The following MIPOL1 variants were observed in gnomAD, a reference collection of about 807,000 sequenced individuals.
MIPOL1 encodes mirror-image polydactyly gene 1 protein.
Under a neutral mutation model 60.9 loss-of-function variants are expected in MIPOL1, and 57 were observed. The observed-to-expected ratio is 0.94, with a 90% CI of 0.76 to 1.17. The LOEUF (loss-of-function observed/expected upper bound fraction) is 1.17, where lower values mean the gene tolerates loss of function less well. Ranked by LOEUF, MIPOL1 falls within the 50% of genes most tolerant of loss-of-function variation. The probability of loss-of-function intolerance (pLI) is 0.00; values close to 1 mark genes in which losing one functional copy is unlikely to be tolerated. For missense variants in MIPOL1, 551 were observed against 511.6 expected, an observed-to-expected ratio of 1.08 and a Z score of -0.74; for synonymous variants, 179 against 168.8, an observed-to-expected ratio of 1.06 and a Z score of -0.47.
intron 9 of MIPOL1, among the ~76,000 whole-genome samples, chr14:37,363,120 C>G (rs1443153691): frequency 6.6e-6 from 1 of 152,128 alleles, no homozygotes; most frequent in Non-Finnish European, 1.5e-5. Flanking sequence ...GTCAGTTTGT[C>G]AAAGTCATTC....
chr14:37,351,538 G>A (rs1266021585), intron 9 of MIPOL1, among the ~76,000 whole-genome samples: 27 of 150,278 alleles, frequency 1.8e-4, no homozygotes, highest in South Asian at 6.4e-4. Context: ...GTGTAAAAGC[G>A]TTCCTATTTC....
At chr14:37,419,099 A>T (rs1288894168) in intron 10 of MIPOL1, among the ~76,000 whole-genome samples, 1 of 152,182 alleles carries the variant, frequency 6.6e-6, no homozygotes, top group Non-Finnish European at 1.5e-5. Context: ...AAATCAGCCA[A>T]ATGTCTAACA....
At chr14:37,373,892 T>G (rs1394774723) in intron 10 of MIPOL1, among the ~76,000 whole-genome samples, 1 of 152,216 alleles carries the variant, frequency 6.6e-6, no homozygotes. Flanking sequence ...CCTTTGGGTA[T>G]ATACCCTGTA....
chr14:37,365,588 C>T (rs1159805310), intron 9 of MIPOL1, among the ~76,000 whole-genome samples: 5 of 152,026 alleles, frequency 3.3e-5, no homozygotes, highest in South Asian at 2.1e-4. Context: ...ATCTTTTTAA[C>T]GTATTGTTGA....
At chr14:37,455,905 G>A (rs1172161128) in intron 11 of MIPOL1, among the ~76,000 whole-genome samples, 1 of 151,894 alleles carries the variant, frequency 6.6e-6, no homozygotes, top group African/African-American at 2.4e-5. Context: ...CTCCTTAATA[G>A]CTCAGATTTA....
chr14:37,339,880 A>C (rs1482851595), intron 9 of MIPOL1, among the ~76,000 whole-genome samples: 1 of 152,204 alleles, frequency 6.6e-6, no homozygotes, highest in African/African-American at 2.4e-5. Flanking sequence ...TTTCTGGTAG[A>C]AATAGTCTAC....
At chr14:37,370,522 T>TA (rs2092610675) in intron 10 of MIPOL1, among the ~76,000 whole-genome samples, 1 of 152,188 alleles carries the variant, frequency 6.6e-6, no homozygotes, top group Non-Finnish European at 1.5e-5. Flanking sequence ...TACAGAGCAA[T>TA]ATCATGGCAT....
intron 11 of MIPOL1, among the ~76,000 whole-genome samples, chr14:37,487,437 G>A (rs1287794007): frequency 6.6e-6 from 1 of 152,076 alleles, no homozygotes; most frequent in Non-Finnish European, 1.5e-5. Flanking sequence ...TGTACCTCTG[G>A]GAGAATTTGG....
At chr14:37,216,648 A>G (rs1967767764) in intron 1 of MIPOL1, among the ~76,000 whole-genome samples, 1 of 152,214 alleles carries the variant, frequency 6.6e-6, no homozygotes, top group African/African-American at 2.4e-5. Flanking sequence ...AAACTGGACA[A>G]ATACTTGGAA....
intron 11 of MIPOL1, among the ~76,000 whole-genome samples, chr14:37,447,298 A>G (rs1034151967): frequency 1.1e-4 from 16 of 152,056 alleles, no homozygotes; most frequent in African/African-American, 2.7e-4. Context: ...TTCTTATTTT[A>G]CTTTTTATTT....
At chr14:37,268,388 G>A (rs1281813339) in intron 4 of MIPOL1, among the ~76,000 whole-genome samples, 4 of 152,106 alleles carry the variant, frequency 2.6e-5, no homozygotes, top group African/African-American at 9.7e-5. Context: ...CAGATTATGA[G>A]ATATCTAGCA....
At chr14:37,439,368 G>A (rs780316229) in intron 11 of MIPOL1, among the ~76,000 whole-genome samples, 2 of 152,100 alleles carry the variant, frequency 1.3e-5, no homozygotes, top group Non-Finnish European at 2.9e-5. Context: ...TGAACATATT[G>A]TGTTATATTA....
intron 1 of MIPOL1, among the ~76,000 whole-genome samples, chr14:37,242,535 A>T (rs714229): frequency 6.6e-5 from 10 of 151,904 alleles, no homozygotes. Flanking sequence ...TGCATTTATG[A>T]TATAAACCAT....
intron 1 of MIPOL1, among the ~76,000 whole-genome samples, chr14:37,226,127 G>A (rs935291189): frequency 1.3e-5 from 2 of 152,250 alleles, no homozygotes; most frequent in South Asian, 4.1e-4. Flanking sequence ...AAGTCTCTAG[G>A]AAGCTCAAAA....
intron 6 of MIPOL1, among the ~76,000 whole-genome samples, chr14:37,282,326 C>A (rs898538218): frequency 4.0e-5 from 6 of 151,696 alleles, no homozygotes; most frequent in African/African-American, 1.5e-4. Flanking sequence ...ACTGCAACCT[C>A]CACCTCCTTG....
intron 12 of MIPOL1, among the ~76,000 whole-genome samples, chr14:37,515,309 A>G (rs1445561538): frequency 1.3e-5 from 2 of 151,540 alleles, no homozygotes; most frequent in Non-Finnish European, 2.9e-5. Flanking sequence ...AAAAAAAGCT[A>G]TACTATTGTA....
intron 7 of MIPOL1, among the ~76,000 whole-genome samples, chr14:37,286,127 A>G (rs1228316264): frequency 1.3e-5 from 2 of 152,106 alleles, no homozygotes; most frequent in Non-Finnish European, 2.9e-5. Flanking sequence ...TCTCTGCTTA[A>G]TATCCCTGTT....
At chr14:37,480,780 G>A (rs544013841) in intron 11 of MIPOL1, among the ~76,000 whole-genome samples, 1 of 152,208 alleles carries the variant, frequency 6.6e-6, no homozygotes, top group South Asian at 2.1e-4. Flanking sequence ...ATTGTTTGCT[G>A]AGAACAGGAT....
intron 11 of MIPOL1, among the ~76,000 whole-genome samples, chr14:37,476,009 G>A (rs1228374308): frequency 6.6e-6 from 1 of 152,154 alleles, no homozygotes; most frequent in East Asian, 1.9e-4. Context: ...CAATTGGTAA[G>A]AACTGGCATC....
Sources: gnomAD v4.1 joint callset for allele counts (sites outside exome capture counted in the v4.1 genomes callset) on GRCh38, gnomAD v4.1.1 for gene constraint, MANE v1.5 for transcripts, NCBI Gene and HGNC (gene_info 2026-07-23, HGNC 2026-07-21) for gene names.